The following FGF12 variants were observed in gnomAD, a reference collection of about 807,000 sequenced individuals.
The protein encoded by FGF12 is fibroblast growth factor 12, also known as fibroblast growth factor 12B.
A neutral mutation model predicts 23.6 loss-of-function variants in FGF12; 14 were observed. That is an observed-to-expected ratio of 0.59 (90% CI 0.39 to 0.93). FGF12 has a LOEUF of 0.93. FGF12 is among the 40% of genes least tolerant of loss of function. The pLI, the probability that FGF12 is intolerant of heterozygous loss-of-function variation, is 0.00. For missense variants in FGF12, 175 were observed against 217.8 expected, an observed-to-expected ratio of 0.80 and a Z score of 1.24; for synonymous variants, 62 against 77.3, an observed-to-expected ratio of 0.80 and a Z score of 1.04.
intron 4 of FGF12, among the ~76,000 whole-genome samples, chr3:192,204,612 G>A (rs1446578506): frequency 1.3e-5 from 2 of 152,184 alleles, no homozygotes; most frequent in East Asian, 1.9e-4. Context: ...GGAGCCAGGA[G>A]TGGTGGCTCA....
At chr3:192,542,621 T>A (rs1725398641) in intron 2 of FGF12, among the ~76,000 whole-genome samples, 1 of 152,124 alleles carries the variant, frequency 6.6e-6, no homozygotes, top group Non-Finnish European at 1.5e-5. Flanking sequence ...CACAGTCTTT[T>A]TTTTTTCCAC....
chr3:192,290,637 G>A (rs115723342), intron 4 of FGF12, among the ~76,000 whole-genome samples: 29 of 152,252 alleles, frequency 1.9e-4, no homozygotes, highest in African/African-American at 6.5e-4. Flanking sequence ...TGTGCTGCTC[G>A]TGAGTAGCAG....
At chr3:192,180,479 C>T (rs1034474185) in intron 4 of FGF12, among the ~76,000 whole-genome samples, 1 of 152,228 alleles carries the variant, frequency 6.6e-6, no homozygotes, top group South Asian at 2.1e-4. Context: ...TATGACTGAA[C>T]AGGAAAATCA....
chr3:192,603,018 C>A (rs1203590524), intron 2 of FGF12, among the ~76,000 whole-genome samples: 1 of 152,030 alleles, frequency 6.6e-6, no homozygotes. Flanking sequence ...GGAAACTAGG[C>A]ATCAAAGGAA....
intron 4 of FGF12, among the ~76,000 whole-genome samples, chr3:192,322,392 C>T (rs1304192864): frequency 6.6e-6 from 1 of 151,872 alleles, no homozygotes; most frequent in Non-Finnish European, 1.5e-5. Flanking sequence ...TCCATACTAC[C>T]CAAAGCAATC....
At chr3:192,681,179 T>A (rs1717513043) in intron 2 of FGF12, among the ~76,000 whole-genome samples, 3 of 152,194 alleles carry the variant, frequency 2.0e-5, no homozygotes, top group Admixed American at 1.3e-4. Flanking sequence ...CAGTTAGGCC[T>A]CCACTGCAGA....
At chr3:192,169,162 G>A (rs1465355760) in intron 5 of FGF12, among the ~76,000 whole-genome samples, 6 of 152,058 alleles carry the variant, frequency 3.9e-5, no homozygotes, top group African/African-American at 7.2e-5. Context: ...CCAACATGGC[G>A]AAATCCTGTC....
chr3:192,421,857 T>G (rs947468405), intron 2 of FGF12, among the ~76,000 whole-genome samples: 18 of 151,756 alleles, frequency 1.2e-4, no homozygotes, highest in Admixed American at 3.3e-4. Flanking sequence ...TCAACGAAAC[T>G]CTCTTGAAGC....
At chr3:192,565,093 T>A (rs1712215843) in intron 2 of FGF12, among the ~76,000 whole-genome samples, 1 of 152,202 alleles carries the variant, frequency 6.6e-6, no homozygotes. Context: ...AACTAAAAAT[T>A]TAGCAAGTTT....
intron 2 of FGF12, among the ~76,000 whole-genome samples, chr3:192,381,037 T>C (rs375806763): frequency 5.5e-4 from 84 of 151,716 alleles, no homozygotes; most frequent in African/African-American, 2.0e-3. Flanking sequence ...ATATCATACA[T>C]TCATTTTCTT....
chr3:192,379,136 T>C (rs1280206941), intron 2 of FGF12, among the ~76,000 whole-genome samples: 1 of 152,228 alleles, frequency 6.6e-6, no homozygotes, highest in Non-Finnish European at 1.5e-5. Context: ...GTACCACATT[T>C]TCTTTATCCA....
intron 5 of FGF12, among the ~76,000 whole-genome samples, chr3:192,163,361 C>CT (rs1714981847): frequency 6.6e-6 from 1 of 152,054 alleles, no homozygotes; most frequent in Non-Finnish European, 1.5e-5. Flanking sequence ...TAACCCTGGA[C>CT]TAAAACATAC....
intron 5 of FGF12, among the ~76,000 whole-genome samples, chr3:192,149,949 T>C (rs1338229508): frequency 1.7e-5 from 2 of 117,678 alleles, no homozygotes; most frequent in Non-Finnish European, 3.7e-5. Flanking sequence ...AAAGTGTTCC[T>C]ATTTCTCCAC....
chr3:192,516,258 C>T (rs1724664136), intron 2 of FGF12, among the ~76,000 whole-genome samples: 1 of 152,112 alleles, frequency 6.6e-6, no homozygotes, highest in Admixed American at 6.5e-5. Context: ...GTGTTCATAC[C>T]AGTGAATTTC....
chr3:192,722,548 G>A (rs1322584040), intron 2 of FGF12, among the ~76,000 whole-genome samples: 1 of 152,132 alleles, frequency 6.6e-6, no homozygotes, highest in Non-Finnish European at 1.5e-5. Flanking sequence ...TCTCTCTTGA[G>A]AGAGTGGGTC....
chr3:192,373,700 A>C (rs913961720), intron 2 of FGF12, among the ~76,000 whole-genome samples: 1 of 152,216 alleles, frequency 6.6e-6, no homozygotes, highest in Non-Finnish European at 1.5e-5. Context: ...TCTTAGGGAC[A>C]AGTGAAACAC....
intron 5 of FGF12, among the ~76,000 whole-genome samples, chr3:192,155,186 C>T (rs1026643886): frequency 1.7e-3 from 251 of 148,222 alleles, no homozygotes; most frequent in Non-Finnish European, 2.8e-3. Context: ...GCACGGTGCG[C>T]GCACCCACTG....
At chr3:192,365,781 T>A (rs1047294080) in intron 2 of FGF12, among the ~76,000 whole-genome samples, 2 of 151,970 alleles carry the variant, frequency 1.3e-5, no homozygotes, top group African/African-American at 4.8e-5. Context: ...ATGCTGGAGC[T>A]ATCTAGACGT....
At chr3:192,546,277 A>C (rs1224380054) in intron 2 of FGF12, among the ~76,000 whole-genome samples, 1 of 152,136 alleles carries the variant, frequency 6.6e-6, no homozygotes. Context: ...TATAGTGACT[A>C]CCGCACTACA....
Sources: gnomAD v4.1 joint callset for allele counts (sites outside exome capture counted in the v4.1 genomes callset) on GRCh38, gnomAD v4.1.1 for gene constraint, MANE v1.5 for transcripts, NCBI Gene and HGNC (gene_info 2026-07-23, HGNC 2026-07-21) for gene names.